DLGAP4: variants seen among roughly 807,000 people sequenced by gnomAD.
DLGAP4 encodes the protein DLG associated protein 4.
DLGAP4 carries 18 observed loss-of-function variants against 86.9 expected under a neutral mutation model. That is an observed-to-expected ratio of 0.21 (90% CI 0.14 to 0.31). The LOEUF is 0.31. Ranked by LOEUF, DLGAP4 falls within the 10% of genes least tolerant of loss-of-function variation. The pLI, the probability that DLGAP4 is intolerant of heterozygous loss-of-function variation, is 1.00. For synonymous variants in DLGAP4, 548 were observed against 574.3 expected, an observed-to-expected ratio of 0.95 and a Z score of 0.65; for missense variants, 1,085 against 1,362.6, an observed-to-expected ratio of 0.80 and a Z score of 3.21.
intron 2 of DLGAP4, among the ~76,000 whole-genome samples, chr20:36,391,308 C>T (rs1202594229): frequency 6.6e-6 from 1 of 152,210 alleles, no homozygotes; most frequent in Non-Finnish European, 1.5e-5. Context: ...CGCCCCTTCT[C>T]CTAATTTGCC....
At chr20:36,451,172 T>C (rs1046176763) in intron 7 of DLGAP4, among the ~76,000 whole-genome samples, 2 of 152,206 alleles carry the variant, frequency 1.3e-5, no homozygotes, top group Admixed American at 1.3e-4. Context: ...AAACATTTGA[T>C]GAGTTTTCTA....
At chr20:36,484,541 G>A (rs557756306) in intron 7 of DLGAP4, among the ~76,000 whole-genome samples, 1 of 152,392 alleles carries the variant, frequency 6.6e-6, no homozygotes, top group East Asian at 1.9e-4. Flanking sequence ...CTGCACTGTG[G>A]ATACAGCTCT....
intron 12 of DLGAP4, 132 bp from the exon 13 acceptor site, chr20:36,526,681 T>G: frequency 1.3e-6 from 1 of 783,136 alleles, no homozygotes; most frequent in Non-Finnish European, 2.0e-6. Context: ...TGATTCCAAG[T>G]GTGTGTTGCT....
intron 7 of DLGAP4, among the ~76,000 whole-genome samples, chr20:36,492,010 G>T (rs1383535164): frequency 6.6e-6 from 1 of 152,190 alleles, no homozygotes; most frequent in Non-Finnish European, 1.5e-5. Context: ...CCAGGTGGAA[G>T]AAGAGACGGC....
At chr20:36,505,074 G>T (rs371047675) in intron 10 of DLGAP4, among the ~76,000 whole-genome samples, 2 of 150,814 alleles carry the variant, frequency 1.3e-5, no homozygotes, top group African/African-American at 4.9e-5. Context: ...TGCAACCTCC[G>T]CCTGCTGGGT....
At chr20:36,482,698 G>A (rs922296756) in intron 7 of DLGAP4, among the ~76,000 whole-genome samples, 1 of 152,086 alleles carries the variant, frequency 6.6e-6, no homozygotes, top group Non-Finnish European at 1.5e-5. Flanking sequence ...TTGAGACAGG[G>A]TCTAACTCTG....
intron 7 of DLGAP4, among the ~76,000 whole-genome samples, chr20:36,458,321 G>C (rs1021906392): frequency 1.3e-5 from 2 of 149,658 alleles, no homozygotes; most frequent in African/African-American, 4.9e-5. Flanking sequence ...GACCAGCCTG[G>C]CCAACGTGGT....
intron 1 of DLGAP4, among the ~76,000 whole-genome samples, chr20:36,335,255 G>A (rs2147365563): frequency 6.6e-6 from 1 of 152,310 alleles, no homozygotes; most frequent in South Asian, 2.1e-4. Context: ...ACAACCAGAA[G>A]ATTTTCCCAG....
intron 4 of DLGAP4, 25 bp downstream of exon 4, chr20:36,436,375 G>T (rs1356998172): frequency 4.5e-6 from 7 of 1,565,532 alleles, no homozygotes; most frequent in Non-Finnish European, 6.0e-6. Flanking sequence ...CCACCCTTAC[G>T]GTCCCGCCCA....
intron 7 of DLGAP4, among the ~76,000 whole-genome samples, chr20:36,471,261 G>C (rs2034649870): frequency 6.6e-6 from 1 of 152,066 alleles, no homozygotes; most frequent in East Asian, 1.9e-4. Flanking sequence ...GTCCAAGGCA[G>C]GCAGATCACA....
At chr20:36,310,518 T>C (rs2065044921) in intron 1 of DLGAP4, among the ~76,000 whole-genome samples, 1 of 152,238 alleles carries the variant, frequency 6.6e-6, no homozygotes, top group Non-Finnish European at 1.5e-5. Flanking sequence ...CTGAGGGACC[T>C]TCTGCCTTCC....
At chr20:36,372,924 G>A (rs1259620723) in intron 2 of DLGAP4, among the ~76,000 whole-genome samples, 1 of 152,322 alleles carries the variant, frequency 6.6e-6, no homozygotes, top group African/African-American at 2.4e-5. Flanking sequence ...GTGACATCCG[G>A]ATTTGGAATC....
At chr20:36,466,563 G>C (rs559042205) in intron 7 of DLGAP4, among the ~76,000 whole-genome samples, 1 of 152,204 alleles carries the variant, frequency 6.6e-6, no homozygotes, top group South Asian at 2.1e-4. Flanking sequence ...CGGGTTCCCA[G>C]ATTTCCCAGA....
At position 36,350,595 on chromosome 20, in the gene DLGAP4, G is replaced by T. The variant is rs1275684301; in HGVS notation, c.-303-16450G>T. ...TCAGATGATACAATGGCTGACAAGG[G>T]CATGCCCTCTGTACCAGGGCAGCAG... On this transcript the variant is annotated intron_variant, in intron 1 of 12. Transcript: ENST00000339266. This position sits in a 1 kb window ranked among gnomAD's most constrained non-coding sequence, Gnocchi z 4.4. Among the ~76,000 whole-genome samples, 1 of 152,228 alleles carries T rather than the reference G, an allele frequency of 6.6e-6. No homozygotes were observed. The highest frequency in any genetic ancestry group is 2.4e-5 in the African/African-American group (1 of 41,460).
At chr20:36,467,018 C>T (rs1569509563) in intron 7 of DLGAP4, among the ~76,000 whole-genome samples, 11 of 2,378 alleles carry the variant, frequency 4.6e-3, no homozygotes, top group Non-Finnish European at 8.8e-3. Context: ...TCTCTCTCTC[C>T]TCTCTCTCTC....
intron 7 of DLGAP4, among the ~76,000 whole-genome samples, chr20:36,474,633 G>T (rs954317755): frequency 1.3e-5 from 2 of 152,182 alleles, no homozygotes; most frequent in Non-Finnish European, 2.9e-5. Flanking sequence ...AGACCAAGGT[G>T]GGGTGGGGAA....
chr20:36,320,312 C>T (rs971356775), intron 1 of DLGAP4, among the ~76,000 whole-genome samples: 2 of 151,850 alleles, frequency 1.3e-5, no homozygotes, highest in Non-Finnish European at 2.9e-5. Context: ...AGCCCCACCC[C>T]GTGTCCCCTC....
chr20:36,526,733 C>T (rs1478752595), intron 12 of DLGAP4, 80 bp from the exon 13 acceptor site: 21 of 1,342,028 alleles, frequency 1.6e-5, no homozygotes, highest in Admixed American at 2.7e-5. Context: ...CTCCAGCTGC[C>T]GGCATATGGT....
chr20:36,520,649 T>C (rs764740010), intron 10 of DLGAP4, among the ~76,000 whole-genome samples: 1 of 152,178 alleles, frequency 6.6e-6, no homozygotes, highest in Non-Finnish European at 1.5e-5. Flanking sequence ...ACCCAGCTTT[T>C]TTCTTCATAG....
Sources: allele counts gnomAD v4.1 joint callset (sites outside exome capture counted in the v4.1 genomes callset), GRCh38; gene constraint gnomAD v4.1.1; non-coding constraint Gnocchi (gnomAD v3.1); transcripts MANE v1.5; gene names NCBI Gene and HGNC (gene_info 2026-07-23, HGNC 2026-07-21).